Variants in NRDC observed in about 807,000 individuals in gnomAD.
NRDC encodes the protein nardilysin.
Under a neutral mutation model 147.1 loss-of-function variants are expected in NRDC, and 54 were observed. The ratio of observed to expected loss-of-function variants is 0.37; its 90% CI spans 0.29 to 0.46. The LOEUF is 0.46. Among genes scored for constraint, NRDC ranks in the 20% least tolerant of loss-of-function variants. NRDC has a pLI of 1.00. For missense variants in NRDC, 1,082 were observed against 1,370.6 expected, an observed-to-expected ratio of 0.79 and a Z score of 3.33; for synonymous variants, 440 against 482.1, an observed-to-expected ratio of 0.91 and a Z score of 1.14.
At chr1:51,856,230 C>G (rs74080653) in intron 1 of NRDC, among the ~76,000 whole-genome samples, 14,113 of 152,204 alleles carry the variant, frequency 0.093, 1,239 homozygotes, top group African/African-American at 0.23. Flanking sequence ...TTCTCTCATA[C>G]TACTACAATG....
chr1:51,847,751 T>G (rs567143947), intron 1 of NRDC, among the ~76,000 whole-genome samples: 138 of 152,068 alleles, frequency 9.1e-4, no homozygotes, highest in Non-Finnish European at 1.6e-3. Flanking sequence ...TGCCTCTCCC[T>G]CCACACCTCC....
chr1:51,794,382 A>G (rs1229814439), intron 24 of NRDC, 90 bp downstream of exon 24: 3 of 1,300,822 alleles, frequency 2.3e-6, no homozygotes, highest in Non-Finnish European at 3.3e-6. Context: ...ATGAAACTAC[A>G]GAAGTAACTA....
At chr1:51,817,606 A>G (rs1429856300) in intron 10 of NRDC, among the ~76,000 whole-genome samples, 1 of 152,136 alleles carries the variant, frequency 6.6e-6, no homozygotes, top group South Asian at 2.1e-4. Flanking sequence ...CAGTGGCGCA[A>G]TATCAACTCA....
rs549828727 is a variant in NRDC, at chr1:51,800,029, C to T, written c.2441+527G>A. Reference sequence around the variant, plus strand: ...TATCTCTGTCATGCAGGTTGGTGTGCGGTGGCATGATCATGGTTCACTGCA... The same window carrying T: ...TATCTCTGTCATGCAGGTTGGTGTGTGGTGGCATGATCATGGTTCACTGCA... On this transcript the variant is annotated intron_variant, in intron 21 of 30. Coordinates refer to ENST00000352171, the MANE Select transcript of NRDC (RefSeq NM_001101662.2). Among the ~76,000 whole-genome samples the T allele has an allele frequency of 2.0e-4, 30 of 152,284 alleles. No homozygotes were observed. In the South Asian group the frequency reaches 4.4e-3, roughly 22 times the overall value.
At chr1:51,844,447 G>A (rs1681432630) in intron 1 of NRDC, among the ~76,000 whole-genome samples, 1 of 151,926 alleles carries the variant, frequency 6.6e-6, no homozygotes, top group African/African-American at 2.4e-5. Flanking sequence ...ACCATGTGAG[G>A]AGATACCAAG....
intron 19 of NRDC, 89 bp downstream of exon 19, chr1:51,805,421 G>GCAACAT (rs1679417773): frequency 9.7e-7 from 1 of 1,026,422 alleles, no homozygotes; most frequent in Non-Finnish European, 1.4e-6. Flanking sequence ...AATATGGATA[G>GCAACAT]AGAAAATGAC....
At chr1:51,795,860 T>A (rs1366590019) in intron 22 of NRDC, among the ~76,000 whole-genome samples, 1 of 152,180 alleles carries the variant, frequency 6.6e-6, no homozygotes, top group Admixed American at 6.5e-5. Flanking sequence ...TTCCATCATC[T>A]TCTATTTCTT....
intron 29 of NRDC, among the ~76,000 whole-genome samples, chr1:51,790,250 C>T (rs1678540625): frequency 2.0e-5 from 3 of 152,202 alleles, no homozygotes; most frequent in Non-Finnish European, 4.4e-5. Flanking sequence ...CGGCAAAACT[C>T]TTTTTCTCCA....
rs570181827 is a variant in NRDC, at chr1:51,849,290, C to T, written c.342-8776G>A. Among the ~76,000 whole-genome samples the T allele has an allele frequency of 2.6e-5, 4 of 151,698 alleles. 1 individual carries two copies. The East Asian group carries it at 5.8e-4, about 22-fold the overall frequency. ...GTGAGCGCCTGTAGTCCCAGCTATA[C>T]GGGAGGCTGAGGCAGGAGAATGACT... is the stretch of plus-strand genomic sequence containing the variant. On this transcript the variant is annotated intron_variant, in intron 1 of 30. Coordinates refer to ENST00000352171, the MANE Select transcript of NRDC (RefSeq NM_001101662.2).
chr1:51,878,126 C>G, intron 1 of NRDC, 149 bp downstream of exon 1: 1 of 1,419,148 alleles, frequency 7.0e-7, no homozygotes, highest in Non-Finnish European at 9.2e-7. Flanking sequence ...AGCCTCTAAT[C>G]ACGCTTGCCA....
intron 1 of NRDC, among the ~76,000 whole-genome samples, chr1:51,842,874 T>C (rs1478616811): frequency 6.6e-6 from 1 of 151,816 alleles, no homozygotes; most frequent in East Asian, 1.9e-4. Context: ...AAGATCAGCC[T>C]GGGTAACATG....
At position 51,789,692 on chromosome 1, in the gene NRDC, A is replaced by G. The variant is rs1238571074; in HGVS notation, c.3169-35T>C. 3.4e-6 allele frequency: 5 copies of G among 1,466,274 alleles called. No homozygotes were observed. In the South Asian group the frequency reaches 4.5e-5, roughly 13 times the overall value. 90.8% of individuals were successfully genotyped at this position (1,466,274 alleles called of 1,614,324 possible). A position where few individuals can be genotyped will look rare whatever the true frequency, so the allele number is the denominator to read the frequency against. On this transcript the variant is annotated intron_variant, in intron 29 of 30. Coordinates refer to ENST00000352171, the MANE Select transcript of NRDC (RefSeq NM_001101662.2). ...GAAGGGAAGATAGGAAAGAAATTCA[A>G]GAAGAAAGATAGCTCTTAAACCTAA...
intron 6 of NRDC, 73 bp from the exon 7 acceptor site, chr1:51,823,859 A>G: frequency 1.9e-6 from 2 of 1,041,328 alleles, no homozygotes; most frequent in Non-Finnish European, 1.4e-6. Context: ...TCATCAATGC[A>G]TATTTTGCTA....
In NRDC at chr1:51,791,402, A is replaced by G. The variant is rs41293253; in HGVS notation, c.2960+176T>C. Among the ~76,000 whole-genome samples, 1,142 of 152,346 alleles carry G rather than the reference A, an allele frequency of 7.5e-3. 8 individuals are homozygous for G. The highest frequency in any genetic ancestry group is 0.012 in the Non-Finnish European group (831 of 68,036). ...AATCAAGTCTGAAAGGGCCACTGGA[A>G]CTATTGATCAGTCCTGGAACAGACC... On this transcript the variant is annotated intron_variant, in intron 27 of 30. Transcript: ENST00000352171.
intron 2 of NRDC, among the ~76,000 whole-genome samples, chr1:51,838,262 A>G (rs1681084169): frequency 6.6e-6 from 1 of 152,116 alleles, no homozygotes; most frequent in Non-Finnish European, 1.5e-5. Flanking sequence ...CGATCACTAG[A>G]CTCTGACCCT....
chr1:51,791,663 T>C lies in NRDC; in HGVS notation c.2877-2A>G. 1.9e-6 allele frequency: 3 copies of C among 1,611,838 alleles called. No individual in the cohort carries two copies. Among genetic ancestry groups the C allele is most frequent in the Non-Finnish European group, 2.5e-6 (3 of 1,177,952 alleles). On this transcript the variant is annotated splice_acceptor_variant, in intron 26 of 30. Coordinates refer to ENST00000352171, the MANE Select transcript of NRDC (RefSeq NM_001101662.2). LOFTEE classifies it high-confidence loss of function. ...CTACAGGTAGGGTAGACATGGTACCTACAAGCCAGAGAGAAAAGTTATATG... is the reference window on the plus strand; with the variant it reads ...CTACAGGTAGGGTAGACATGGTACCCACAAGCCAGAGAGAAAAGTTATATG...
At chr1:51,862,762 T>C (rs183066088) in intron 1 of NRDC, among the ~76,000 whole-genome samples, 80 of 151,946 alleles carry the variant, frequency 5.3e-4, no homozygotes, top group African/African-American at 1.9e-3. Context: ...ATGCCTGTAA[T>C]CCCAGCACTT....
intron 1 of NRDC, among the ~76,000 whole-genome samples, chr1:51,846,725 C>T (rs529312128): frequency 2.0e-5 from 3 of 152,358 alleles, no homozygotes; most frequent in Admixed American, 6.5e-5. Context: ...AGCGATGGAA[C>T]TCGACCCAAG....
intron 22 of NRDC, 89 bp from the exon 23 acceptor site, chr1:51,794,943 G>A: frequency 6.3e-7 from 1 of 1,592,766 alleles, no homozygotes; most frequent in Non-Finnish European, 8.5e-7. Context: ...AATTGCTTGG[G>A]GAGCCCTGCA....
Sources: gnomAD v4.1 joint callset for allele counts (sites outside exome capture counted in the v4.1 genomes callset) on GRCh38, gnomAD v4.1.1 for gene constraint, MANE v1.5 for transcripts, NCBI Gene and HGNC (gene_info 2026-07-23, HGNC 2026-07-21) for gene names.